Variants in CDH13 observed in about 807,000 individuals in gnomAD.
CDH13 encodes the protein cadherin 13, also known as cadherin-13.
Under a neutral mutation model 63.8 loss-of-function variants are expected in CDH13, and 24 were observed. The observed-to-expected ratio is 0.38, with a 90% CI of 0.27 to 0.53. CDH13 has a LOEUF of 0.53. Among genes scored for constraint, CDH13 ranks in the 20% least tolerant of loss-of-function variants. The pLI is 0.85. For synonymous variants in CDH13, 503 were observed against 355.3 expected, an observed-to-expected ratio of 1.42 and a Z score of -4.67; for missense variants, 1,049 against 903.1, an observed-to-expected ratio of 1.16 and a Z score of -2.07.
intron 8 of CDH13, among the ~76,000 whole-genome samples, chr16:83,604,052 C>CGGA (rs1567799238): frequency 2.4e-3 from 365 of 152,216 alleles, no homozygotes; most frequent in African/African-American, 8.4e-3. Flanking sequence ...ATCCAGTCAC[C>CGGA]TCCCACCAGG....
chr16:83,165,076 A>G (rs2037605379), intron 4 of CDH13, among the ~76,000 whole-genome samples: 1 of 127,450 alleles, frequency 7.8e-6, no homozygotes, highest in Admixed American at 7.6e-5. Context: ...GATGAGTAGA[A>G]GCAGGAGAAA....
At chr16:82,679,418 G>T (rs923759974) in intron 1 of CDH13, among the ~76,000 whole-genome samples, 1 of 152,148 alleles carries the variant, frequency 6.6e-6, no homozygotes, top group African/African-American at 2.4e-5. Flanking sequence ...ACTTTCAAAG[G>T]TTTGCAAAGA....
In CDH13 at chr16:83,791,001, C is replaced by G. The variant is rs62045403; in HGVS notation, c.2135-4022C>G. ...ATATGGAGGGTAAGATGTAGACAAACTCAGACACAATAAAGAAATTTAAAG... is the reference window on the plus strand; with the variant it reads ...ATATGGAGGGTAAGATGTAGACAAAGTCAGACACAATAAAGAAATTTAAAG... On this transcript the variant is annotated intron_variant, in intron 13 of 13. Transcript: ENST00000567109. 8.0e-3 allele frequency among the ~76,000 whole-genome samples: 1,211 copies of G among 152,166 alleles called. 8 individuals are homozygous for G. Among genetic ancestry groups the G allele is most frequent in the Middle Eastern group, 0.014 (4 of 294 alleles).
chr16:83,766,715 T>C (rs969463540), intron 11 of CDH13, among the ~76,000 whole-genome samples: 7 of 152,166 alleles, frequency 4.6e-5, no homozygotes, highest in African/African-American at 1.7e-4. Context: ...AACCAACCCA[T>C]CTGATATGGT....
At chr16:83,253,852 G>A (rs937315753) in intron 5 of CDH13, among the ~76,000 whole-genome samples, 4 of 152,332 alleles carry the variant, frequency 2.6e-5, no homozygotes, top group African/African-American at 7.2e-5. Context: ...AATTAGGAAA[G>A]TGGGGGCATT....
chr16:83,289,513 C>G (rs921842934), intron 5 of CDH13, among the ~76,000 whole-genome samples: 1 of 152,174 alleles, frequency 6.6e-6, no homozygotes, highest in Non-Finnish European at 1.5e-5. Flanking sequence ...AGAAGCACTG[C>G]TCTAAAAGAT....
At chr16:82,844,662 C>G (rs112769317) in intron 1 of CDH13, 1 of 124,248 alleles carries the variant, frequency 8.0e-6, no homozygotes, top group South Asian at 2.7e-4. Context: ...TTTTTTGAGA[C>G]AGAGTCTCGC....
At chr16:82,826,652 T>G (rs1160344887) in intron 1 of CDH13, 1 of 152,230 alleles carries the variant, frequency 6.6e-6, no homozygotes, top group Non-Finnish European at 1.5e-5. Flanking sequence ...AGGGCTCCAG[T>G]AATTTTAAAT....
chr16:83,031,300 T>TG (rs1193917930), intron 2 of CDH13, among the ~76,000 whole-genome samples: 6 of 143,688 alleles, frequency 4.2e-5, no homozygotes, highest in African/African-American at 1.5e-4. Context: ...TGCGCATGTA[T>TG]CCATGCGCAT....
Position 83,799,937 on chromosome 16 carries a change from C to G in CDH13, c.*4907C>G, listed in dbSNP as rs1025024370. 2 of 136,310 alleles carry G rather than the reference C, an allele frequency of 1.5e-5. No individual in the cohort carries two copies. The highest frequency in any genetic ancestry group is 5.1e-5 in the African/African-American group (2 of 39,000). 8.4% of individuals were successfully genotyped at this position (136,310 alleles called of 1,614,324 possible). On this transcript the variant is annotated 3_prime_UTR_variant, in exon 14 of 14. Transcript: ENST00000567109. The stretch of plus-strand genomic sequence containing the variant: ...GTATGAGGGTTTCAGATAAGAACTT[C>G]AATTATATAATTTAAGAAGAGTCAG...
At chr16:83,155,280 G>A (rs2037162284) in intron 4 of CDH13, among the ~76,000 whole-genome samples, 1 of 152,180 alleles carries the variant, frequency 6.6e-6, no homozygotes, top group Non-Finnish European at 1.5e-5. Context: ...ATGTTCTAGA[G>A]TCAGCATTGT....
chr16:83,391,198 C>A lies in CDH13; in HGVS notation c.781+46192C>A, dbSNP rs894628485. On this transcript the variant is annotated intron_variant, in intron 6 of 13. Transcript: ENST00000567109. Reference sequence around the variant, plus strand: ...TTCTGTGACATTCATAAGATGTTAACCTGCCTACACACTTTTTTTTTTTTT... The same window carrying A: ...TTCTGTGACATTCATAAGATGTTAAACTGCCTACACACTTTTTTTTTTTTT... 5.4e-4 allele frequency among the ~76,000 whole-genome samples: 81 copies of A among 150,160 alleles called. 1 individual carries two copies. Among genetic ancestry groups the A allele is most frequent in the African/African-American group, 1.9e-3 (77 of 40,574 alleles).
chr16:83,795,087 A>AG lies in CDH13; in HGVS notation c.*57_*58insG. On this transcript the variant is annotated 3_prime_UTR_variant, in exon 14 of 14. Transcript: ENST00000567109. Reference sequence around the variant, plus strand: ...GTTTCCATAGCAACAGGAAAAAAAAAAATCTATCCAAATCTGAAGATTGCG... The same window carrying AG: ...GTTTCCATAGCAACAGGAAAAAAAAAGAATCTATCCAAATCTGAAGATTGCG... 6.9e-7 allele frequency: 1 copy of AG among 1,456,866 alleles called. No individual in the cohort carries two copies. Among genetic ancestry groups the AG allele is most frequent in the Non-Finnish European group, 9.3e-7 (1 of 1,069,582 alleles). 90.2% of individuals were successfully genotyped at this position (1,456,866 alleles called of 1,614,324 possible).
rs1917873083 is a variant in CDH13, at chr16:83,047,202, C to T, written c.366+14984C>T. ...TAAGCAGACTTTATCTGAAGACCAC[C>T]TCCTGCCCCTCACTCTTACTCCAGA... is the stretch of plus-strand genomic sequence containing the variant. On this transcript the variant is annotated intron_variant, in intron 3 of 13. Transcript: ENST00000567109. The surrounding 1 kb of genome is among the most constrained non-coding windows in gnomAD (Gnocchi z 4.9). Among the ~76,000 whole-genome samples the T allele has an allele frequency of 1.3e-5, 2 of 152,274 alleles. No individual in the cohort carries two copies. The highest frequency in any genetic ancestry group is 2.1e-4 in the South Asian group (1 of 4,822).
intron 1 of CDH13, among the ~76,000 whole-genome samples, chr16:82,629,781 T>C (rs1211332993): frequency 1.3e-5 from 2 of 152,194 alleles, no homozygotes; most frequent in Non-Finnish European, 1.5e-5. Context: ...TCCTATCCCC[T>C]GGGGTGTTTT....
intron 1 of CDH13, among the ~76,000 whole-genome samples, chr16:82,698,708 C>T (rs1181554323): frequency 1.3e-5 from 2 of 152,138 alleles, no homozygotes; most frequent in Admixed American, 6.5e-5. Flanking sequence ...AGGGAGGGCA[C>T]TGAATAGCTC....
intron 2 of CDH13, among the ~76,000 whole-genome samples, chr16:82,976,283 G>T (rs1193873873): frequency 6.6e-6 from 1 of 152,114 alleles, no homozygotes; most frequent in Non-Finnish European, 1.5e-5. Context: ...CTGGGCCTCT[G>T]AAGCCTTCTT....
chr16:83,505,419 G>C (rs534122714), intron 7 of CDH13, among the ~76,000 whole-genome samples: 1 of 151,894 alleles, frequency 6.6e-6, no homozygotes, highest in South Asian at 2.1e-4. Flanking sequence ...CAGCCAGCCT[G>C]ATAATGAATT....
At chr16:83,467,608 G>T (rs937694277) in intron 6 of CDH13, among the ~76,000 whole-genome samples, 1 of 152,166 alleles carries the variant, frequency 6.6e-6, no homozygotes, top group African/African-American at 2.4e-5. Flanking sequence ...AGAAACTGAC[G>T]CTGAAACTTT....
Sources: gnomAD v4.1 joint callset for allele counts (sites outside exome capture counted in the v4.1 genomes callset) on GRCh38, gnomAD v4.1.1 for gene constraint, Gnocchi (gnomAD v3.1) non-coding constraint, MANE v1.5 for transcripts, NCBI Gene and HGNC (gene_info 2026-07-23, HGNC 2026-07-21) for gene names.